The following TELO2 variants were observed in gnomAD, a reference collection of about 807,000 sequenced individuals.
The protein encoded by TELO2 is telomere length regulation protein TEL2 homolog.
A neutral mutation model predicts 91.0 loss-of-function variants in TELO2; 71 were observed. The observed-to-expected ratio is 0.78, with a 90% CI of 0.64 to 0.95. The LOEUF (loss-of-function observed/expected upper bound fraction) is 0.95. TELO2 is among the 40% of genes least tolerant of loss of function. TELO2 has a pLI of 0.00. For synonymous variants in TELO2, 584 were observed against 518.9 expected (o/e 1.13, Z -1.71); for missense variants, 1,183 against 1,141.3 (o/e 1.04, Z -0.53).
At chr16:1,496,956 G>C (rs530037723) in intron 3 of TELO2, 80 bp from the exon 4 acceptor site, 5 of 1,433,324 alleles carry the variant, frequency 3.5e-6, no homozygotes, top group Non-Finnish European at 4.8e-6. Context: ...CCGCCTGACC[G>C]AGAGCAGCTC....
chr16:1,501,590 T>G, intron 10 of TELO2, 73 bp from the exon 11 acceptor site: 2 of 1,569,280 alleles, frequency 1.3e-6, no homozygotes, highest in Non-Finnish European at 1.7e-6. Flanking sequence ...AACCCTTTCT[T>G]TCTGTCCTGT....
chr16:1,507,023 C>T lies in TELO2; in HGVS notation c.2198C>T (p.Ala733Val). Residue 733 changes from alanine to valine, a missense_variant, in exon 18 of 21, where the codon GCC (alanine) becomes GTC (valine). By Grantham distance (64) the Ala-to-Val change is moderately conservative. Coordinates refer to ENST00000262319, the MANE Select transcript of TELO2 (RefSeq NM_016111.4). ...VLGRLAHTLG[A>V]LMCLAVNTTV... is the part of the protein sequence containing the mutation. ...GGAAGGCTGGCGCACACCTTAGGGG[C>T]CCTGATGTGCCTGGCTGTTAACACC... The T allele has an allele frequency of 3.7e-6, 6 of 1,611,028 alleles. No individual in the cohort carries two copies. The highest frequency in any genetic ancestry group is 5.1e-6 in the Non-Finnish European group (6 of 1,178,766).
chr16:1,495,740 A>T (rs1347671666), intron 3 of TELO2, 117 bp downstream of exon 3: 6 of 1,396,272 alleles, frequency 4.3e-6, no homozygotes, highest in Middle Eastern at 2.6e-4. Flanking sequence ...TGATGCCGTC[A>T]GGCAGGTGGG....
chr16:1,495,739 C>T (rs950221408), intron 3 of TELO2, 116 bp downstream of exon 3: 28 of 1,397,434 alleles, frequency 2.0e-5, no homozygotes, highest in Non-Finnish European at 1.5e-5. Flanking sequence ...TTGATGCCGT[C>T]AGGCAGGTGG....
chr16:1,510,178 G>A lies in TELO2; in HGVS notation c.*242G>A, dbSNP rs1410804783. The A allele has an allele frequency of 9.5e-6, 5 of 529,094 alleles. No individual in the cohort carries two copies. The highest frequency in any genetic ancestry group is 1.4e-5 in the Non-Finnish European group (4 of 292,866). The allele number at this position is 529,094 out of a possible 1,614,324, so 32.8% of individuals were successfully genotyped here. On this transcript the variant is annotated 3_prime_UTR_variant, in exon 21 of 21. Transcript: ENST00000262319. ...GCAGCCTGGACGTGGGGCTGGGGCTGTGGGCGCTGCTGGCGGGGTTGACTC... is the reference window on the plus strand; with the variant it reads ...GCAGCCTGGACGTGGGGCTGGGGCTATGGGCGCTGCTGGCGGGGTTGACTC...
Position 1,494,315 on chromosome 16 carries a change from G to A in TELO2, c.34G>A (p.Val12Ile), listed in dbSNP as rs778821696. 1.9e-6 allele frequency: 3 copies of A among 1,613,392 alleles called. No homozygotes were observed. Among genetic ancestry groups the A allele is most frequent in the South Asian group, 1.1e-5 (1 of 91,080 alleles). ...EPAPSEVRLA[V>I]REAIHALSSS... is the part of the protein sequence containing the mutation. ...AGCACCCTCAGAGGTTCGACTCGCC[G>A]TCCGGGAAGCCATTCATGCCCTCTC... is the stretch of plus-strand genomic sequence containing the variant. Residue 12 changes from valine to isoleucine, a missense_variant, in exon 2 of 21, where the codon GTC becomes ATC. Transcript: ENST00000262319. The surrounding 1 kb of genome is among the most constrained non-coding windows in gnomAD (Gnocchi z 5.6).
chr16:1,502,921 GTGTCCTC>G lies in TELO2; in HGVS notation c.1771-9_1771-3del. 6.2e-7 allele frequency: 1 copy of G among 1,610,402 alleles called. No homozygotes were observed. The highest frequency in any genetic ancestry group is 8.5e-7 in the Non-Finnish European group (1 of 1,180,000). The stretch of plus-strand genomic sequence containing the variant: ...CCCGGACCACAGCAGCCTCTCCCCT[GTGTCCTC>G]AGGTGGCCGACTATCTGACCTCACA... On this transcript the variant is annotated splice_region_variant and splice_polypyrimidine_tract_variant and intron_variant, in intron 14 of 20. Transcript: ENST00000262319.
rs1567294436 is a variant in TELO2 at position 1,497,159 on chromosome 16, G to A, written c.682+55G>A. The A allele has an allele frequency of 6.2e-7, 1 of 1,603,598 alleles. No homozygotes were observed. Among genetic ancestry groups the A allele is most frequent in the Admixed American group, 1.7e-5 (1 of 59,486 alleles). On this transcript the variant is annotated intron_variant, in intron 4 of 20. Coordinates refer to ENST00000262319, the MANE Select transcript of TELO2 (RefSeq NM_016111.4). The surrounding 1 kb of genome is among the most constrained non-coding windows in gnomAD (Gnocchi z 4.0). ...CTGCCCCGACCCTCACAGCCCATCA[G>A]CCTTCTGCAGAAGGCCGAGAATCCC...
Position 1,495,257 on chromosome 16 carries a change from G to A in TELO2, c.336-89G>A, listed in dbSNP as rs1470634395. 4.1e-6 allele frequency: 6 copies of A among 1,460,380 alleles called. No homozygotes were observed. The African/African-American group carries it at 4.2e-5, about 10-fold the overall frequency. The allele number at this position is 1,460,380 out of a possible 1,614,324, so 90.5% of individuals were successfully genotyped here. A position where few individuals can be genotyped will look rare whatever the true frequency, so the allele number is the denominator to read the frequency against. ...GCTGGTTATGTTGTTGGGGCTGCCC[G>A]TGTAATCCGGGCTGCTGGTTCCTTG... is the stretch of plus-strand genomic sequence containing the variant. On this transcript the variant is annotated intron_variant, in intron 2 of 20. Coordinates refer to ENST00000262319, the MANE Select transcript of TELO2 (RefSeq NM_016111.4).
chr16:1,494,042 T>G lies in TELO2; in HGVS notation c.-36-204T>G, dbSNP rs1334956534. ...CACAGTGGCCCGGGTTGAGAAGCCC[T>G]GCAGTGGCTGGTAGCGTTGGGGTCC... is the stretch of plus-strand genomic sequence containing the variant. On this transcript the variant is annotated intron_variant, in intron 1 of 20. Transcript: ENST00000262319. This position sits in a 1 kb window ranked among gnomAD's most constrained non-coding sequence, Gnocchi z 5.6. 6.6e-6 allele frequency among the ~76,000 whole-genome samples: 1 copy of G among 151,998 alleles called. No homozygotes were observed.
chr16:1,496,385 C>T (rs1464252288), intron 3 of TELO2, among the ~76,000 whole-genome samples: 1 of 152,238 alleles, frequency 6.6e-6, no homozygotes, highest in African/African-American at 2.4e-5. Context: ...GCAGCAACCT[C>T]CTGAGCCCCT....
rs760154550 is a variant in TELO2 at position 1,502,689 on chromosome 16, G to T, written c.1698G>T (p.Lys566Asn). Residue 566 changes from lysine (K) to asparagine (N), a missense_variant, in exon 14 of 21, where the codon AAG (lysine) becomes AAT (asparagine). Lys to Asn is a moderately conservative substitution (Grantham distance 94, BLOSUM62 0). Coordinates refer to ENST00000262319, the MANE Select transcript of TELO2 (RefSeq NM_016111.4). Reference sequence around the variant, plus strand: ...AGGTGCTTCTGCATCTGGAGGAGAAGACCTGTGTGGTGGGATTTGCAGGGC... The same window carrying T: ...AGGTGCTTCTGCATCTGGAGGAGAATACCTGTGTGGTGGGATTTGCAGGGC... Reference protein sequence around the residue: ...LAKVLLHLEEKTCVVGFAGLR... With the variant: ...LAKVLLHLEENTCVVGFAGLR... The T allele has an allele frequency of 6.2e-7, 1 of 1,612,756 alleles. No homozygotes were observed. Among genetic ancestry groups the T allele is most frequent in the South Asian group, 1.1e-5 (1 of 91,080 alleles).
intron 15 of TELO2, 22 bp downstream of exon 15, chr16:1,503,024 G>GAT: frequency 6.2e-7 from 1 of 1,607,406 alleles, no homozygotes; most frequent in African/African-American, 1.3e-5. Flanking sequence ...CTGGGCCTCA[G>GAT]TCCCCCTGGT....
rs758674386 is a variant in TELO2 at position 1,500,552 on chromosome 16, G to A, written c.1145-11G>A. 1.3e-5 allele frequency: 21 copies of A among 1,611,156 alleles called. No individual in the cohort carries two copies. The highest frequency in any genetic ancestry group is 1.7e-5 in the Admixed American group (1 of 59,828). ...CCCGAGGTGCTCAGGGGGCCTGTCC[G>A]GTGCTTGCAGAACTGCTGGCCAGCA... On this transcript the variant is annotated splice_polypyrimidine_tract_variant and intron_variant, in intron 8 of 20. Transcript: ENST00000262319.
chr16:1,501,862 C>A lies in TELO2; in HGVS notation c.1472+89C>A. On this transcript the variant is annotated intron_variant, in intron 11 of 20. Transcript: ENST00000262319. ...CAAGCTGCGGCCCCGTGGGGGGCTC[C>A]CTGCCTGCTCCGTGCTTCTTCTCTT... 2.7e-6 allele frequency: 4 copies of A among 1,464,876 alleles called. No homozygotes were observed. In the South Asian group the frequency reaches 4.7e-5, roughly 17 times the overall value. The allele number at this position is 1,464,876 out of a possible 1,614,324, so 90.7% of individuals were successfully genotyped here. A position where few individuals can be genotyped will look rare whatever the true frequency, so the allele number is the denominator to read the frequency against.
chr16:1,508,611 C>G (rs1467554600), intron 20 of TELO2, among the ~76,000 whole-genome samples: 1 of 152,142 alleles, frequency 6.6e-6, no homozygotes, highest in African/African-American at 2.4e-5. Context: ...CTGGGGGATG[C>G]TTTTGGTGAG....
intron 3 of TELO2, among the ~76,000 whole-genome samples, chr16:1,495,837 C>G (rs1199650134): frequency 2.0e-5 from 3 of 152,234 alleles, no homozygotes; most frequent in Non-Finnish European, 4.4e-5. Flanking sequence ...CTTCTCTTGT[C>G]CCTGCAGTCC....
chr16:1,501,568 T>C (rs1327158993), intron 10 of TELO2, 69 bp downstream of exon 10: 1 of 1,566,068 alleles, frequency 6.4e-7, no homozygotes, highest in Non-Finnish European at 8.7e-7. Context: ...GCTGCCGGGA[T>C]GGGAGGGGGG....
At position 1,494,419 on chromosome 16, in the gene TELO2, G is replaced by C. The variant is rs780539371; in HGVS notation, c.138G>C (p.Ala46=). 6.2e-7 allele frequency: 1 copy of C among 1,613,360 alleles called. No individual in the cohort carries two copies. Among genetic ancestry groups the C allele is most frequent in the African/African-American group, 1.3e-5 (1 of 74,936 alleles). ...ATCTCGGTGAGATGGAGCCTCCAGCGCTCCCGAGGGAGAAGGAGGAGTTTG... is the reference window on the plus strand; with the variant it reads ...ATCTCGGTGAGATGGAGCCTCCAGCCCTCCCGAGGGAGAAGGAGGAGTTTG... ...KRYLGEMEPP[A]LPREKEEFAS... Residue 46 remains alanine (A), a synonymous_variant, in exon 2 of 21, where the codon GCG becomes GCC. Transcript: ENST00000262319. This position sits in a 1 kb window ranked among gnomAD's most constrained non-coding sequence, Gnocchi z 5.6.
Sources: gnomAD v4.1 joint callset for allele counts (sites outside exome capture counted in the v4.1 genomes callset) on GRCh38, gnomAD v4.1.1 for gene constraint, Gnocchi (gnomAD v3.1) non-coding constraint, MANE v1.5 for transcripts, NCBI Gene and HGNC (gene_info 2026-07-23, HGNC 2026-07-21) for gene names.